Variants in GPRIN3 observed in about 807,000 individuals in gnomAD.
GPRIN3 encodes GPRIN family member 3.
Under a neutral mutation model 13.7 loss-of-function variants are expected in GPRIN3, and 12 were observed. The observed-to-expected ratio is 0.87, with a 90% confidence interval of 0.56 to 1.42. GPRIN3 has a LOEUF of 1.42. GPRIN3 is among the 40% of genes most tolerant of loss of function. GPRIN3 has a pLI of 0.00. For synonymous variants in GPRIN3, 377 were observed against 372.7 expected, an observed-to-expected ratio of 1.01 and a Z score of -0.13; for missense variants, 1,009 against 958.7, an observed-to-expected ratio of 1.05 and a Z score of -0.69.
intron 1 of GPRIN3, among the ~76,000 whole-genome samples, chr4:89,289,042 T>C (rs1724500390): frequency 6.6e-6 from 1 of 151,836 alleles, no homozygotes; most frequent in Non-Finnish European, 1.5e-5. Flanking sequence ...ATCATCCCTT[T>C]GTAGCCTTAG....
At chr4:89,262,515 C>T (rs1356387602) in intron 1 of GPRIN3, among the ~76,000 whole-genome samples, 1 of 152,170 alleles carries the variant, frequency 6.6e-6, no homozygotes, top group East Asian at 1.9e-4. Context: ...CAAGCATGCA[C>T]GCTGACGTTT....
chr4:89,256,994 A>G (rs1274825986), intron 1 of GPRIN3, among the ~76,000 whole-genome samples: 1 of 152,200 alleles, frequency 6.6e-6, no homozygotes, highest in Non-Finnish European at 1.5e-5. Context: ...AAACAGCCAC[A>G]GGCTGGGAAG....
Position 89,236,511 on chromosome 4 carries a change from G to A in GPRIN3, c.*11269C>T, listed in dbSNP as rs906079177. The A allele has an allele frequency of 6.6e-6, 1 of 152,114 alleles. No individual in the cohort carries two copies. Among genetic ancestry groups the A allele is most frequent in the East Asian group, 1.9e-4 (1 of 5,198 alleles). The allele number at this position is 152,114 out of a possible 1,614,324, so 9.4% of individuals were successfully genotyped here. A position where few individuals can be genotyped will look rare whatever the true frequency, so the allele number is the denominator to read the frequency against. On this transcript the variant is annotated 3_prime_UTR_variant, in exon 2 of 2. Transcript: ENST00000609438. Reference sequence around the variant, plus strand: ...AACTCAGAGGAGTAAGAGAAGAAAAGAACAATATTTTGCCTATGCCATTTA... The same window carrying A: ...AACTCAGAGGAGTAAGAGAAGAAAAAAACAATATTTTGCCTATGCCATTTA...
chr4:89,301,635 C>A (rs920367680), intron 1 of GPRIN3, among the ~76,000 whole-genome samples: 1 of 152,170 alleles, frequency 6.6e-6, no homozygotes, highest in Non-Finnish European at 1.5e-5. Context: ...CAACTGATTT[C>A]TGAAAAACAA....
intron 1 of GPRIN3, among the ~76,000 whole-genome samples, chr4:89,288,221 G>A (rs1035910387): frequency 6.6e-6 from 1 of 152,150 alleles, no homozygotes; most frequent in African/African-American, 2.4e-5. Flanking sequence ...GAAAAGACAT[G>A]TGATCCCAAA....
chr4:89,257,614 T>C (rs1162285913), intron 1 of GPRIN3, among the ~76,000 whole-genome samples: 1 of 152,236 alleles, frequency 6.6e-6, no homozygotes, highest in African/African-American at 2.4e-5. Context: ...TAGTGAGTTG[T>C]GCAGACCGAA....
Position 89,248,703 on chromosome 4 carries a change from G to A in GPRIN3, c.1408C>T (p.Gln470Ter). 2.5e-6 allele frequency: 4 copies of A among 1,614,118 alleles called. No individual in the cohort carries two copies. Among genetic ancestry groups the A allele is most frequent in the Non-Finnish European group, 3.4e-6 (4 of 1,180,012 alleles). ...SSSLKATAIDQISISACSQAE... is the reference protein window; with the variant it reads ...SSSLKATAID The stretch of plus-strand genomic sequence containing the variant: ...TGACTGCATGCACTGATAGAAATCT[G>A]GTCAATGGCGGTAGCTTTCAGGGAG... The change falls in exon 2 of 2, where the codon CAG becomes TAG. Residue 470 changes from glutamine (Q) to a stop codon, truncating the protein, a stop_gained. Transcript: ENST00000609438. LOFTEE classifies it low-confidence loss of function (END_TRUNC).
In GPRIN3 at chr4:89,248,441, G is replaced by A. The variant is rs200328226; in HGVS notation, c.1670C>T (p.Ser557Leu). Reference protein sequence around the residue: ...KEKESTGTDTSDAKTLLLNPK... With the variant: ...KEKESTGTDTLDAKTLLLNPK... ...ATTGAGCAGTAGGGTTTTGGCATCC[G>A]AGGTATCAGTGCCAGTAGACTCTTT... The change falls in exon 2 of 2, where the codon TCG becomes TTG. Residue 557 changes from serine (S) to leucine (L), a missense_variant. Transcript: ENST00000609438. 1.3e-4 allele frequency: 205 copies of A among 1,614,084 alleles called. No individual in the cohort carries two copies. Among genetic ancestry groups the A allele is most frequent in the Non-Finnish European group, 1.4e-4 (160 of 1,179,976 alleles).
chr4:89,262,295 G>T (rs1723653421), intron 1 of GPRIN3, among the ~76,000 whole-genome samples: 1 of 152,000 alleles, frequency 6.6e-6, no homozygotes, highest in African/African-American at 2.4e-5. Context: ...GAGTATCTTT[G>T]CTTGTAGACA....
chr4:89,295,287 G>GATAAT, intron 1 of GPRIN3, among the ~76,000 whole-genome samples: 1 of 152,236 alleles, frequency 6.6e-6, no homozygotes, highest in East Asian at 1.9e-4. Flanking sequence ...TATCAATGAA[G>GATAAT]GGGTCTTCCA....
rs1204929405 is a variant in GPRIN3 at position 89,244,973 on chromosome 4, A to G, written c.*2807T>C. On this transcript the variant is annotated 3_prime_UTR_variant, in exon 2 of 2. Coordinates refer to ENST00000609438, the MANE Select transcript of GPRIN3 (RefSeq NM_198281.3). ...AGGTAAAGTAAGGAAAAAACTGAGCAAGTTCCAAGAGTCTACCAAGAAAAC... is the reference window on the plus strand; with the variant it reads ...AGGTAAAGTAAGGAAAAAACTGAGCGAGTTCCAAGAGTCTACCAAGAAAAC... 6.6e-6 allele frequency: 1 copy of G among 152,228 alleles called. No homozygotes were observed. 9.4% of individuals were successfully genotyped at this position (152,228 alleles called of 1,614,324 possible).
At chr4:89,270,565 T>TTATATACATATATA (rs1723908636) in intron 1 of GPRIN3, among the ~76,000 whole-genome samples, 1 of 82,348 alleles carries the variant, frequency 1.2e-5, no homozygotes, top group Non-Finnish European at 2.2e-5. Flanking sequence ...TGTATATAAT[T>TTATATACATATATA]TATATATATA....
At position 89,276,201 on chromosome 4, in the gene GPRIN3, A is replaced by G. The variant is rs569052595; in HGVS notation, c.-123-25968T>C. ...TTTAACAGATATTTATTTAGTATCTACTATGCACCAGATATCATGTACAAT... is the reference window on the plus strand; with the variant it reads ...TTTAACAGATATTTATTTAGTATCTGCTATGCACCAGATATCATGTACAAT... On this transcript the variant is annotated intron_variant, in intron 1 of 1. Coordinates refer to ENST00000609438, the MANE Select transcript of GPRIN3 (RefSeq NM_198281.3). Among the ~76,000 whole-genome samples the G allele has an allele frequency of 4.6e-5, 7 of 152,360 alleles. No homozygotes were observed. In the South Asian group the frequency reaches 1.4e-3, roughly 32 times the overall value.
At chr4:89,307,536 C>T (rs1200683441) in intron 1 of GPRIN3, 79 bp downstream of exon 1, 1 of 152,336 alleles carries the variant, frequency 6.6e-6, no homozygotes, top group Non-Finnish European at 1.5e-5. Context: ...ATCCCTTCCG[C>T]ATCCCTACAG....
At position 89,249,794 on chromosome 4, in the gene GPRIN3, C is replaced by G. The variant is rs372046847; in HGVS notation, c.317G>C (p.Ser106Thr). Residue 106 changes from serine to threonine, a missense_variant, in exon 2 of 2, where the codon AGC becomes ACC. Transcript: ENST00000609438. ...ACTCGGGGCTGATGCTGCGGGCTGG[C>G]TGCTCCCTGGCAGCTGGGGATTGCC... ...SPGNPQLPGS[S>T]QPAASAPSSA... is the part of the protein sequence containing the mutation. 6.2e-7 allele frequency: 1 copy of G among 1,614,192 alleles called. No homozygotes were observed. Among genetic ancestry groups the G allele is most frequent in the Non-Finnish European group, 8.5e-7 (1 of 1,180,024 alleles).
In GPRIN3 at chr4:89,248,983, C is replaced by T. The variant is rs375925089; in HGVS notation, c.1128G>A (p.Thr376=). Residue 376 remains threonine (T), a synonymous_variant, in exon 2 of 2, where the codon ACG becomes ACA. Coordinates refer to ENST00000609438, the MANE Select transcript of GPRIN3 (RefSeq NM_198281.3). ...GSHTLELSDS[T]LAPQESSQCP... is the part of the protein sequence containing the mutation. ...ACTGGCTGGACTCCTGGGGGGCTAG[C>T]GTGCTGTCAGAGAGCTCCAGTGTGT... is the stretch of plus-strand genomic sequence containing the variant. 12 of 1,614,046 alleles carry T rather than the reference C, an allele frequency of 7.4e-6. No individual in the cohort carries two copies. The highest frequency in any genetic ancestry group is 4.4e-5 in the South Asian group (4 of 91,088).
chr4:89,263,309 T>C lies in GPRIN3; in HGVS notation c.-123-13076A>G, dbSNP rs7694986. The stretch of plus-strand genomic sequence containing the variant: ...ATTTAAAAAAATGTCCTTCACTATC[T>C]GATCCATTTCATTTTCTGATTGGTA... On this transcript the variant is annotated intron_variant, in intron 1 of 1. Transcript: ENST00000609438. Among the ~76,000 whole-genome samples, 1,318 of 152,350 alleles carry C rather than the reference T, an allele frequency of 8.7e-3. 14 individuals carry two copies. Among genetic ancestry groups the C allele is most frequent in the African/African-American group, 0.03 (1,250 of 41,586 alleles).
chr4:89,270,390 G>A (rs77602896), intron 1 of GPRIN3, among the ~76,000 whole-genome samples: 5,098 of 150,828 alleles, frequency 0.034, 264 homozygotes, highest in African/African-American at 0.12. Context: ...ACTTATCAAA[G>A]TTGCCAGACA....
In GPRIN3 at chr4:89,307,269, T is replaced by TCACACACACA. The variant is rs57752539; in HGVS notation, c.-124+336_-124+345dup. 3.4e-4 allele frequency among the ~76,000 whole-genome samples: 50 copies of TCACACACACA among 147,274 alleles called. No individual in the cohort carries two copies. In the South Asian group the frequency reaches 4.4e-3, roughly 13 times the overall value. ...TAAGCATAGGAAAATGAGACAAATG[T>TCACACACACA]CACACACACACACACACACACACAC... is the stretch of plus-strand genomic sequence containing the variant. On this transcript the variant is annotated intron_variant, in intron 1 of 1. Transcript: ENST00000609438.
Sources: gnomAD v4.1 joint callset for allele counts (sites outside exome capture counted in the v4.1 genomes callset) on GRCh38, gnomAD v4.1.1 for gene constraint, MANE v1.5 for transcripts, NCBI Gene and HGNC (gene_info 2026-07-23, HGNC 2026-07-21) for gene names.